Variants in VPS13B observed in about 807,000 individuals in gnomAD.
VPS13B encodes the protein vacuolar protein sorting 13 homolog B, also known as intermembrane lipid transfer protein VPS13B.
In VPS13B, 285 loss-of-function variants were observed where a neutral mutation model predicts 426.4. That is an observed-to-expected ratio of 0.67 (90% CI 0.61 to 0.74). The LOEUF (loss-of-function observed/expected upper bound fraction) is 0.74. VPS13B is among the 30% of genes least tolerant of loss of function. The pLI is 0.00. For missense variants in VPS13B, 4,537 were observed against 4,782.6 expected (o/e 0.95, Z 1.51); for synonymous variants, 1,676 against 1,676.4 (o/e 1.00, Z 0.01).
At chr8:99,519,346 T>G (rs1822250202) in intron 29 of VPS13B, among the ~76,000 whole-genome samples, 1 of 152,174 alleles carries the variant, frequency 6.6e-6, no homozygotes, top group Admixed American at 6.5e-5. Context: ...ACTTTTACAC[T>G]GTTGGCGGGA....
At chr8:99,383,610 A>G (rs1167350558) in intron 19 of VPS13B, among the ~76,000 whole-genome samples, 2 of 152,166 alleles carry the variant, frequency 1.3e-5, no homozygotes, top group Non-Finnish European at 2.9e-5. Flanking sequence ...AGCTCTTAGC[A>G]GTTATTTCTA....
intron 23 of VPS13B, among the ~76,000 whole-genome samples, chr8:99,463,044 C>T (rs1325436814): frequency 1.3e-5 from 2 of 152,018 alleles, no homozygotes; most frequent in East Asian, 1.9e-4. Context: ...CTGATGTTAC[C>T]GATAGGATCT....
chr8:99,871,277 A>T, intron 60 of VPS13B, 171 bp from the exon 61 acceptor site: 1 of 1,020,162 alleles, frequency 9.8e-7, no homozygotes, highest in Non-Finnish European at 1.5e-6. Flanking sequence ...AGGTTCTGTT[A>T]ATCAGAATCA....
intron 17 of VPS13B, among the ~76,000 whole-genome samples, chr8:99,248,664 C>A (rs1290416074): frequency 1.3e-5 from 2 of 152,108 alleles, no homozygotes; most frequent in African/African-American, 4.8e-5. Flanking sequence ...AAACACTGAA[C>A]ATTCTCTTAT....
intron 19 of VPS13B, among the ~76,000 whole-genome samples, chr8:99,284,736 G>GTGTGTATA (rs1490970770): frequency 6.6e-6 from 1 of 151,722 alleles, no homozygotes; most frequent in Non-Finnish European, 1.5e-5. Flanking sequence ...GTGTGTGTGT[G>GTGTGTATA]TTTTTGTAGA....
chr8:99,769,402 A>C (rs750841736), intron 40 of VPS13B, among the ~76,000 whole-genome samples: 4 of 152,240 alleles, frequency 2.6e-5, no homozygotes, highest in Non-Finnish European at 5.9e-5. Flanking sequence ...GAAAGCTTTT[A>C]CAGTTAGCCT....
chr8:99,556,399 A>G (rs534185657), intron 30 of VPS13B, 51 bp from the exon 31 acceptor site: 1 of 1,568,612 alleles, frequency 6.4e-7, no homozygotes, highest in Non-Finnish European at 8.7e-7. Flanking sequence ...TAGAATGGTT[A>G]TTTTATCTGT....
chr8:99,581,491 C>T lies in VPS13B; in HGVS notation c.5220+3858C>T, dbSNP rs182195523. 6.7e-3 allele frequency among the ~76,000 whole-genome samples: 1,016 copies of T among 152,266 alleles called. 9 individuals carry two copies. Among genetic ancestry groups the T allele is most frequent in the African/African-American group, 0.023 (959 of 41,548 alleles). On this transcript the variant is annotated intron_variant, in intron 33 of 61. Transcript: ENST00000357162. ...ATGTGTTTTAGATGGGGTGAGGCCA[C>T]TAGACCAATGGGCCTGTATTCATAC...
intron 33 of VPS13B, among the ~76,000 whole-genome samples, chr8:99,607,288 G>A (rs1029709449): frequency 1.3e-5 from 2 of 152,092 alleles, no homozygotes; most frequent in Non-Finnish European, 1.5e-5. Flanking sequence ...TCATTTCATT[G>A]GTCTAGAGAG....
At chr8:99,874,568 G>A (rs981540460) in intron 61 of VPS13B, among the ~76,000 whole-genome samples, 6 of 151,980 alleles carry the variant, frequency 3.9e-5, no homozygotes, top group Non-Finnish European at 8.8e-5. Flanking sequence ...AAAAACCACG[G>A]AAAGTTTGGT....
intron 36 of VPS13B, among the ~76,000 whole-genome samples, chr8:99,711,585 A>G (rs1346361443): frequency 6.6e-6 from 1 of 152,232 alleles, no homozygotes; most frequent in Non-Finnish European, 1.5e-5. Flanking sequence ...GAGACTGAAA[A>G]AAAAGTGAAC....
intron 39 of VPS13B, among the ~76,000 whole-genome samples, chr8:99,757,895 A>G (rs1175924182): frequency 2.6e-5 from 4 of 152,196 alleles, no homozygotes; most frequent in Non-Finnish European, 1.5e-5. Flanking sequence ...TATAATCCTG[A>G]CAGTCATTTG....
intron 21 of VPS13B, among the ~76,000 whole-genome samples, chr8:99,411,328 A>G (rs201217688): frequency 1.3e-5 from 2 of 152,120 alleles, no homozygotes; most frequent in Non-Finnish European, 2.9e-5. Context: ...ATGAGCTTTT[A>G]TTCATATGAT....
intron 40 of VPS13B, among the ~76,000 whole-genome samples, chr8:99,770,542 CTG>C (rs1222604529): frequency 2.0e-5 from 3 of 152,180 alleles, no homozygotes; most frequent in African/African-American, 7.2e-5. Context: ...CCCTGGGAAA[CTG>C]TCCCAATCTT....
At chr8:99,281,348 T>G (rs988003785) in intron 19 of VPS13B, among the ~76,000 whole-genome samples, 5 of 152,218 alleles carry the variant, frequency 3.3e-5, no homozygotes, top group Admixed American at 1.3e-4. Flanking sequence ...ATAGGTCTTT[T>G]TTGTTTTTGC....
intron 19 of VPS13B, among the ~76,000 whole-genome samples, chr8:99,284,890 G>T (rs948892322): frequency 6.6e-6 from 1 of 152,156 alleles, no homozygotes; most frequent in Admixed American, 6.5e-5. Flanking sequence ...ATAAAATGGA[G>T]ATACTCTTAT....
intron 15 of VPS13B, among the ~76,000 whole-genome samples, chr8:99,158,659 C>G (rs1474829423): frequency 1.3e-5 from 2 of 152,208 alleles, no homozygotes. Flanking sequence ...ATAAATGGAA[C>G]AACAAAGCCT....
intron 54 of VPS13B, among the ~76,000 whole-genome samples, chr8:99,838,138 TG>T (rs1815489233): frequency 6.6e-6 from 1 of 152,204 alleles, no homozygotes; most frequent in African/African-American, 2.4e-5. Flanking sequence ...ATTGTGAAGT[TG>T]CTGTGGGCTT....
intron 3 of VPS13B, among the ~76,000 whole-genome samples, chr8:99,074,472 C>T (rs1845013080): frequency 6.7e-6 from 1 of 149,884 alleles, no homozygotes; most frequent in South Asian, 2.1e-4. Flanking sequence ...CGCACCACTG[C>T]ACTCCAGCCT....
Sources: allele counts gnomAD v4.1 joint callset (sites outside exome capture counted in the v4.1 genomes callset), GRCh38; gene constraint gnomAD v4.1.1; transcripts MANE v1.5; gene names NCBI Gene and HGNC (gene_info 2026-07-23, HGNC 2026-07-21).